The following MASP2 variants were observed in gnomAD, a reference collection of about 807,000 sequenced individuals.
MASP2 encodes the protein MBL associated serine protease 2, also known as mannan-binding lectin serine protease 2.
A neutral mutation model predicts 57.1 loss-of-function variants in MASP2; 49 were observed. The ratio of observed to expected loss-of-function variants is 0.86; its 90% CI spans 0.68 to 1.09. The LOEUF (loss-of-function observed/expected upper bound fraction) is 1.09, where lower values mean the gene tolerates loss of function less well. Ranked by LOEUF, MASP2 falls within the 50% of genes least tolerant of loss-of-function variation. The probability of loss-of-function intolerance (pLI) is 0.00; values close to 1 mark genes in which losing one functional copy is unlikely to be tolerated. For missense variants in MASP2, 900 were observed against 874.8 expected, an observed-to-expected ratio of 1.03 and a Z score of -0.36; for synonymous variants, 379 against 340.8, an observed-to-expected ratio of 1.11 and a Z score of -1.24.
chr1:11,030,767 G>A lies in MASP2; in HGVS notation c.1203C>T (p.Tyr401=), dbSNP rs781438972. ...GCATACCATCATTCACTTTCATTGTGTAGAAGGTCTCTTCACAGCTGTACT... is the reference window on the plus strand; with the variant it reads ...GCATACCATCATTCACTTTCATTGTATAGAAGGTCTCTTCACAGCTGTACT... ...VIQYSCEETF[Y]TMKVNDGKYV... is the part of the protein sequence containing the mutation. The change falls in exon 9 of 11, where the codon TAC becomes TAT. Residue 401 remains tyrosine (Y), a synonymous_variant. Coordinates refer to ENST00000400897, the MANE Select transcript of MASP2 (RefSeq NM_006610.4). 1 of 1,610,970 alleles carries A rather than the reference G, an allele frequency of 6.2e-7. No homozygotes were observed. Among genetic ancestry groups the A allele is most frequent in the Non-Finnish European group, 8.5e-7 (1 of 1,179,212 alleles).
chr1:11,045,042 G>A (rs1208900295), intron 4 of MASP2: 7 of 1,285,884 alleles, frequency 5.4e-6, no homozygotes, highest in African/African-American at 1.5e-5. Context: ...AGGTGGGGCT[G>A]CCCACGCCCC....
Position 11,027,664 on chromosome 1 carries a change from G to C in MASP2, c.1298-16C>G. 1.9e-6 allele frequency: 3 copies of C among 1,578,676 alleles called. No homozygotes were observed. Among genetic ancestry groups the C allele is most frequent in the Non-Finnish European group, 2.6e-6 (3 of 1,163,712 alleles). ...AGTCCACAAACTGGAGAAAGAAGCAGATAGGTAGAGAGCCTTTGTAAAAAT... is the reference window on the plus strand; with the variant it reads ...AGTCCACAAACTGGAGAAAGAAGCACATAGGTAGAGAGCCTTTGTAAAAAT... On this transcript the variant is annotated splice_polypyrimidine_tract_variant and intron_variant, in intron 10 of 10. Transcript: ENST00000400897.
rs1259659241 is a variant in MASP2 at position 11,046,715 on chromosome 1, C to T, written c.253G>A (p.Val85Met). 4 of 1,612,882 alleles carry T rather than the reference C, an allele frequency of 2.5e-6. No individual in the cohort carries two copies. The South Asian group carries it at 4.4e-5, about 18-fold the overall frequency. ...DFVKLSSGAK[V>M]LATLCGQEST... ...TCCTGCCCGCACAGCGTGGCCAGCACCTTGGCCCCCGAGCTCAGCTGTGGG... is the reference window on the plus strand; with the variant it reads ...TCCTGCCCGCACAGCGTGGCCAGCATCTTGGCCCCCGAGCTCAGCTGTGGG... Residue 85 changes from valine (V) to methionine (M), a missense_variant, in exon 3 of 11, where the codon GTG (valine) becomes ATG (methionine). Physicochemically the swap from Val to Met is conservative, Grantham distance 21. Coordinates refer to ENST00000400897, the MANE Select transcript of MASP2 (RefSeq NM_006610.4).
chr1:11,043,243 AC>A, intron 5 of MASP2, 95 bp downstream of exon 5: 2 of 1,182,570 alleles, frequency 1.7e-6, no homozygotes, highest in Non-Finnish European at 2.4e-6. Flanking sequence ...ACCGAGGGTG[AC>A]GGGAACGTGG....
intron 8 of MASP2, among the ~76,000 whole-genome samples, chr1:11,034,243 G>GAAA (rs59936951): frequency 1.5e-5 from 1 of 65,776 alleles, no homozygotes; most frequent in Admixed American, 1.8e-4. Context: ...ACCCTTCTCA[G>GAAA]AAAAAAAAAA....
chr1:11,030,931 A>G, intron 8 of MASP2, 49 bp from the exon 9 acceptor site: 1 of 1,587,544 alleles, frequency 6.3e-7, no homozygotes, highest in Non-Finnish European at 8.6e-7. Context: ...TTTCAGTGCT[A>G]ACTTTCCAAA....
intron 8 of MASP2, among the ~76,000 whole-genome samples, chr1:11,033,285 G>A (rs1406070510): frequency 6.0e-5 from 9 of 149,770 alleles, no homozygotes; most frequent in African/African-American, 1.5e-4. Flanking sequence ...CCAAGATCAC[G>A]CCATTGTACT....
Position 11,046,627 on chromosome 1 carries a change from T to C in MASP2, c.341A>G (p.Asp114Gly). 6.2e-7 allele frequency: 1 copy of C among 1,613,692 alleles called. No individual in the cohort carries two copies. The highest frequency in any genetic ancestry group is 8.5e-7 in the Non-Finnish European group (1 of 1,180,014). Residue 114 changes from aspartate (D) to glycine (G), a missense_variant, in exon 3 of 11, where the codon GAC becomes GGC. Physicochemically the swap from Asp to Gly is moderately conservative, Grantham distance 94. Transcript: ENST00000400897. ...GGAGTAGTCGGAGCGGAAGGTAATGTCCAGGCTGGAGCCCAGCGAGTAGAA... is the reference window on the plus strand; with the variant it reads ...GGAGTAGTCGGAGCGGAAGGTAATGCCCAGGCTGGAGCCCAGCGAGTAGAA... ...DTFYSLGSSL[D>G]ITFRSDYSNE...
At chr1:11,034,239 C>A (rs139225293) in intron 8 of MASP2, among the ~76,000 whole-genome samples, 3 of 126,656 alleles carry the variant, frequency 2.4e-5, no homozygotes, top group Admixed American at 1.5e-4. Flanking sequence ...TGAGACCCTT[C>A]TCAGAAAAAA....
At chr1:11,043,836 G>C (rs1363616263) in intron 4 of MASP2, among the ~76,000 whole-genome samples, 1 of 151,880 alleles carries the variant, frequency 6.6e-6, no homozygotes, top group Non-Finnish European at 1.5e-5. Context: ...CCCCCAGGGA[G>C]CGTGGTGGTG....
chr1:11,038,993 G>C lies in MASP2; in HGVS notation c.890-1182C>G, dbSNP rs549507316. ...CTTCCACAGCTCCACACCCTGAAGA[G>C]TGAAGCCTCTGGGCTTTTGCACATA... On this transcript the variant is annotated intron_variant, in intron 6 of 10. Transcript: ENST00000400897. Among the ~76,000 whole-genome samples, 4 of 152,266 alleles carry C rather than the reference G, an allele frequency of 2.6e-5. No individual in the cohort carries two copies. The East Asian group carries it at 7.7e-4, about 29-fold the overall frequency.
rs1391760681 is a variant in MASP2 at position 11,027,550 on chromosome 1, TTCCAC to T, written c.1391_1395del (p.Gly464AspfsTer10). 6.2e-7 allele frequency: 1 copy of T among 1,614,084 alleles called. No homozygotes were observed. Among genetic ancestry groups the T allele is most frequent in the Non-Finnish European group, 8.5e-7 (1 of 1,180,038 alleles). On this transcript the variant is annotated frameshift_variant, in exon 11 of 11. Transcript: ENST00000400897. LOFTEE classifies it low-confidence loss of function (END_TRUNC). ...TATAAAAGTGCACCTGCTGCTGTGG[TTCCAC>T]CTAATATCAGGACTTGCCAAGGAAA...
At chr1:11,027,754 A>G in intron 10 of MASP2, 106 bp from the exon 11 acceptor site, 2 of 1,208,040 alleles carry the variant, frequency 1.7e-6, no homozygotes, top group East Asian at 4.8e-5. Context: ...ACCAAAAATT[A>G]TATTACATGA....
At chr1:11,040,228 C>T (rs534718763) in intron 6 of MASP2, among the ~76,000 whole-genome samples, 54 of 151,080 alleles carry the variant, frequency 3.6e-4, no homozygotes, top group African/African-American at 1.0e-3. Flanking sequence ...CCCAGCACTT[C>T]GGGAGGCCAA....
chr1:11,029,633 TC>T (rs1484044446), intron 10 of MASP2: 1 of 87,578 alleles, frequency 1.1e-5, no homozygotes, highest in African/African-American at 3.9e-5. Flanking sequence ...ATTTTTAAAA[TC>T]TTTTTTTTTT....
intron 10 of MASP2, 133 bp from the exon 11 acceptor site, chr1:11,027,781 C>A: frequency 1.2e-6 from 1 of 822,570 alleles, no homozygotes; most frequent in Non-Finnish European, 1.9e-6. Context: ...GGGTGACTAC[C>A]TATACAGGCA....
At position 11,045,508 on chromosome 1, in the gene MASP2, C is replaced by T; in HGVS notation, c.444G>A (p.Glu148=). The T allele has an allele frequency of 6.2e-7, 1 of 1,609,686 alleles. No individual in the cohort carries two copies. The highest frequency in any genetic ancestry group is 8.5e-7 in the Non-Finnish European group (1 of 1,179,122). Residue 148 remains glutamate (E), a synonymous_variant, in exon 4 of 11, where the codon GAG becomes GAA. Transcript: ENST00000400897. ...DIDECQVAPG[E]APTCDHHCHN... ...GGCAGTGGTGGTCGCAGGTGGGCGC[C>T]TCTCCCGGGGCCACCTGGCACTCGT...
rs148831269 is a variant in MASP2, at chr1:11,046,726, G to A, written c.242C>T (p.Ser81Leu). Residue 81 changes from serine (S) to leucine (L), a missense_variant, in exon 3 of 11, where the codon TCG becomes TTG. By Grantham distance (145) the Ser-to-Leu change is moderately radical. Coordinates refer to ENST00000400897, the MANE Select transcript of MASP2 (RefSeq NM_006610.4). ...CAGCGTGGCCAGCACCTTGGCCCCC[G>A]AGCTCAGCTGTGGGGTCAGGTGTCA... ...LCEYDFVKLS[S>L]GAKVLATLCG... The A allele has an allele frequency of 6.8e-6, 11 of 1,612,008 alleles. No homozygotes were observed. The highest frequency in any genetic ancestry group is 5.5e-5 in the South Asian group (5 of 90,914).
intron 7 of MASP2, 30 bp downstream of exon 7, chr1:11,037,663 T>C (rs2100888965): frequency 7.3e-7 from 1 of 1,369,304 alleles, no homozygotes; most frequent in South Asian, 1.3e-5. Flanking sequence ...GCAATCGTCA[T>C]TGATCGTGGT....
Sources: allele counts gnomAD v4.1 joint callset (sites outside exome capture counted in the v4.1 genomes callset), GRCh38; gene constraint gnomAD v4.1.1; transcripts MANE v1.5; gene names NCBI Gene and HGNC (gene_info 2026-07-23, HGNC 2026-07-21).